STRN3: variants seen among roughly 807,000 people sequenced by gnomAD.
STRN3 encodes the protein striatin 3.
A neutral mutation model predicts 95.6 loss-of-function variants in STRN3; 29 were observed. That is an observed-to-expected ratio of 0.30 (90% CI 0.23 to 0.41). The LOEUF is 0.41. STRN3 is among the 10% of genes least tolerant of loss of function. The probability of loss-of-function intolerance (pLI) is 1.00; values close to 1 mark genes in which losing one functional copy is unlikely to be tolerated. For synonymous variants in STRN3, 331 were observed against 357.6 expected (o/e 0.93, Z 0.84); for missense variants, 890 against 972.1 (o/e 0.92, Z 1.12).
intron 1 of STRN3, among the ~76,000 whole-genome samples, chr14:30,979,972 G>A (rs1194730021): frequency 1.4e-5 from 2 of 140,118 alleles, no homozygotes; most frequent in East Asian, 4.0e-4. Flanking sequence ...TTTCAGGCCA[G>A]GTGCGGTGGC....
intron 1 of STRN3, among the ~76,000 whole-genome samples, chr14:30,999,133 T>C (rs890805230): frequency 3.9e-5 from 6 of 152,172 alleles, no homozygotes; most frequent in African/African-American, 1.4e-4. Context: ...AGCCTCGCCC[T>C]CCTAGGCTCA....
At chr14:30,944,325 G>A (rs570564180) in intron 5 of STRN3, among the ~76,000 whole-genome samples, 67 of 151,814 alleles carry the variant, frequency 4.4e-4, no homozygotes, top group African/African-American at 1.5e-3. Context: ...TATGCTTCCT[G>A]AAATCACAGT....
intron 8 of STRN3, among the ~76,000 whole-genome samples, chr14:30,928,359 A>G (rs892911525): frequency 3.9e-5 from 6 of 152,146 alleles, no homozygotes; most frequent in African/African-American, 1.4e-4. Context: ...CCTTTTTCTC[A>G]CACTATTTTC....
chr14:30,936,654 C>T (rs1354442837), intron 5 of STRN3, 30 bp from the exon 6 acceptor site: 7 of 1,591,686 alleles, frequency 4.4e-6, no homozygotes, highest in Non-Finnish European at 6.0e-6. Flanking sequence ...ATAAATCCAA[C>T]TATTCCAATG....
chr14:31,022,035 T>C (rs1324627058), intron 1 of STRN3, among the ~76,000 whole-genome samples: 1 of 152,032 alleles, frequency 6.6e-6, no homozygotes, highest in African/African-American at 2.4e-5. Flanking sequence ...TGCCTAACAG[T>C]AAAAATGTAT....
At chr14:31,020,121 T>C (rs1883435212) in intron 1 of STRN3, among the ~76,000 whole-genome samples, 1 of 152,222 alleles carries the variant, frequency 6.6e-6, no homozygotes, top group Admixed American at 6.5e-5. Context: ...GTATTCCCGA[T>C]ACTTCAGATC....
chr14:30,976,604 A>G (rs1881116859), intron 1 of STRN3, among the ~76,000 whole-genome samples: 1 of 152,258 alleles, frequency 6.6e-6, no homozygotes, highest in Non-Finnish European at 1.5e-5. Flanking sequence ...ATGTTCATCA[A>G]GAAAAACATT....
intron 4 of STRN3, among the ~76,000 whole-genome samples, chr14:30,948,119 T>C (rs918678187): frequency 6.6e-6 from 1 of 152,140 alleles, no homozygotes; most frequent in African/African-American, 2.4e-5. Context: ...TATGTGGAAG[T>C]AGAATGAATA....
chr14:31,009,397 G>A (rs1440282228), intron 1 of STRN3, among the ~76,000 whole-genome samples: 1 of 152,024 alleles, frequency 6.6e-6, no homozygotes, highest in Non-Finnish European at 1.5e-5. Context: ...TAAATGCCAG[G>A]ACCACCTGCC....
chr14:30,915,763 T>C (rs1047130562), intron 9 of STRN3, among the ~76,000 whole-genome samples: 1 of 152,144 alleles, frequency 6.6e-6, no homozygotes, highest in African/African-American at 2.4e-5. Flanking sequence ...TATACAAACA[T>C]TCACTGACAC....
intron 1 of STRN3, among the ~76,000 whole-genome samples, chr14:31,003,291 G>A (rs1395556661): frequency 7.4e-5 from 11 of 149,646 alleles, no homozygotes; most frequent in African/African-American, 2.7e-4. Flanking sequence ...GAAAAAGAAA[G>A]AGAAAGTGGT....
intron 1 of STRN3, among the ~76,000 whole-genome samples, chr14:31,020,675 G>A (rs2139353824): frequency 6.6e-6 from 1 of 151,974 alleles, no homozygotes; most frequent in East Asian, 2.0e-4. Context: ...TTGGGAGGAT[G>A]AGGTGGGAGA....
intron 9 of STRN3, among the ~76,000 whole-genome samples, chr14:30,915,594 A>C (rs928958554): frequency 3.8e-4 from 58 of 152,202 alleles, no homozygotes; most frequent in Admixed American, 3.9e-4. Context: ...TAAAATCAAT[A>C]ATTTAAACTT....
chr14:30,935,111 C>A (rs928774874), intron 7 of STRN3, 52 bp downstream of exon 7: 3 of 1,590,302 alleles, frequency 1.9e-6, no homozygotes, highest in Non-Finnish European at 2.6e-6. Context: ...TAATAATAAC[C>A]CATCATTAAG....
At chr14:30,911,663 G>T in intron 12 of STRN3, 114 bp downstream of exon 12, 1 of 920,104 alleles carries the variant, frequency 1.1e-6, no homozygotes, top group Non-Finnish European at 1.6e-6. Context: ...TATTATTCAA[G>T]TAATACATCT....
intron 7 of STRN3, among the ~76,000 whole-genome samples, chr14:30,929,961 A>ACAAAAC: frequency 6.9e-6 from 1 of 144,258 alleles, no homozygotes; most frequent in Admixed American, 7.0e-5. Flanking sequence ...TAGCAAAAAA[A>ACAAAAC]AAAAAAAAAA....
intron 7 of STRN3, among the ~76,000 whole-genome samples, chr14:30,933,551 T>A (rs1393019932): frequency 6.6e-6 from 1 of 152,082 alleles, no homozygotes; most frequent in Non-Finnish European, 1.5e-5. Context: ...TTTCCAACAT[T>A]GAATGTCTGC....
intron 1 of STRN3, among the ~76,000 whole-genome samples, chr14:30,986,810 T>G (rs1199227987): frequency 1.3e-5 from 2 of 152,214 alleles, no homozygotes; most frequent in Non-Finnish European, 1.5e-5. Flanking sequence ...TATCAACTAT[T>G]TTTTTCAGTA....
chr14:30,946,985 AAAAAAAAAAAAAGTTCTTAATGGC>A, intron 5 of STRN3, 81 bp downstream of exon 5: 1 of 887,626 alleles, frequency 1.1e-6, no homozygotes, highest in Non-Finnish European at 1.5e-6. Context: ...GTGTCAAAAA[AAAAAAAAAAAAAGTTCTTAATGGC>A]AGTAACAAGG....
Sources: allele counts gnomAD v4.1 joint callset (sites outside exome capture counted in the v4.1 genomes callset), GRCh38; gene constraint gnomAD v4.1.1; transcripts MANE v1.5; gene names NCBI Gene and HGNC (gene_info 2026-07-23, HGNC 2026-07-21).